Variants in BMPR1B observed in about 807,000 individuals in gnomAD.
BMPR1B encodes the protein bone morphogenetic protein receptor type-1B.
A neutral mutation model predicts 59.1 loss-of-function variants in BMPR1B; 12 were observed. The ratio of observed to expected loss-of-function variants is 0.20; its 90% CI spans 0.13 to 0.33. The LOEUF is 0.33. Ranked by LOEUF, BMPR1B falls within the 10% of genes least tolerant of loss-of-function variation. BMPR1B has a pLI of 1.00. For synonymous variants in BMPR1B, 237 were observed against 207.3 expected (o/e 1.14, Z -1.23); for missense variants, 550 against 610.9 (o/e 0.90, Z 1.05).
chr4:94,765,703 G>A (rs1333594143), intron 1 of BMPR1B, among the ~76,000 whole-genome samples: 7 of 152,096 alleles, frequency 4.6e-5, no homozygotes, highest in Non-Finnish European at 1.0e-4. Context: ...TGAAAAATTG[G>A]GGTTTGAGGT....
intron 1 of BMPR1B, among the ~76,000 whole-genome samples, chr4:94,797,572 G>A (rs1723242823): frequency 6.6e-6 from 1 of 152,172 alleles, no homozygotes; most frequent in South Asian, 2.1e-4. Flanking sequence ...ACAACTTTGG[G>A]TCTGGTGATT....
intron 2 of BMPR1B, among the ~76,000 whole-genome samples, chr4:94,930,206 C>T (rs1035005796): frequency 1.3e-5 from 2 of 152,036 alleles, no homozygotes; most frequent in African/African-American, 4.8e-5. Context: ...TTCCAAAATT[C>T]CTAAATGGAT....
intron 1 of BMPR1B, among the ~76,000 whole-genome samples, chr4:94,786,216 G>A (rs909964262): frequency 5.3e-5 from 8 of 152,284 alleles, no homozygotes; most frequent in African/African-American, 1.7e-4. Flanking sequence ...ATTATCATGC[G>A]GGTACTTACC....
chr4:95,145,818 A>G (rs1734600316), intron 10 of BMPR1B, among the ~76,000 whole-genome samples: 1 of 152,210 alleles, frequency 6.6e-6, no homozygotes, highest in African/African-American at 2.4e-5. Flanking sequence ...GGCACTTGCC[A>G]ATAGGTTGAT....
chr4:94,819,414 G>GTT (rs1322560483), intron 1 of BMPR1B, among the ~76,000 whole-genome samples: 3 of 152,220 alleles, frequency 2.0e-5, no homozygotes, highest in African/African-American at 7.2e-5. Context: ...GTTGGTAATA[G>GTT]TTTAGGGAGC....
At chr4:95,153,595 T>G (rs1319776347) in intron 12 of BMPR1B, among the ~76,000 whole-genome samples, 1 of 152,166 alleles carries the variant, frequency 6.6e-6, no homozygotes, top group Non-Finnish European at 1.5e-5. Context: ...ACATCTGTAA[T>G]CCCGGCACTT....
chr4:95,028,238 A>G (rs1478176289), intron 3 of BMPR1B, among the ~76,000 whole-genome samples: 1 of 152,214 alleles, frequency 6.6e-6, no homozygotes, highest in Non-Finnish European at 1.5e-5. Flanking sequence ...CAGTAAAGCA[A>G]AACTCCCTCC....
rs183014164 is a variant in BMPR1B at position 94,925,184 on chromosome 4, T to G, written c.-113+49284T>G. On this transcript the variant is annotated intron_variant, in intron 2 of 12. Transcript: ENST00000515059. Reference sequence around the variant, plus strand: ...GCCACCCAGACTCCAAGCATGACATTAAGAATATGGATTCCTCCCATACCA... The same window carrying G: ...GCCACCCAGACTCCAAGCATGACATGAAGAATATGGATTCCTCCCATACCA... Among the ~76,000 whole-genome samples the G allele has an allele frequency of 2.0e-5, 3 of 152,238 alleles. No homozygotes were observed. In the East Asian group the frequency reaches 5.8e-4, roughly 29 times the overall value.
At position 95,130,028 on chromosome 4, in the gene BMPR1B, T is replaced by G. The variant is rs1463003460; in HGVS notation, c.752T>G (p.Val251Gly). ...AGAGAGACAGAAATATATCAGACAG[T>G]GTTGATGAGGCATGAAAACATTTTG... ...WFRETEIYQT[V>G]LMRHENILGF... The change falls in exon 9 of 13, where the codon GTG becomes GGG. Residue 251 changes from valine to glycine, a missense_variant. Physicochemically the swap from Val to Gly is moderately radical, Grantham distance 109 (BLOSUM62 -3). Coordinates refer to ENST00000515059, the MANE Select transcript of BMPR1B (RefSeq NM_001203.3). The G allele has an allele frequency of 2.5e-6, 4 of 1,613,754 alleles. No homozygotes were observed. In the African/African-American group the frequency reaches 5.3e-5, roughly 22 times the overall value.
chr4:95,103,791 C>T (rs2149264648), intron 3 of BMPR1B, among the ~76,000 whole-genome samples: 1 of 152,116 alleles, frequency 6.6e-6, no homozygotes, highest in East Asian at 1.9e-4. Context: ...TGCATTTCCC[C>T]ATGCTGATGG....
chr4:94,976,408 G>T (rs1035331050), intron 2 of BMPR1B, among the ~76,000 whole-genome samples: 4 of 152,110 alleles, frequency 2.6e-5, no homozygotes, highest in African/African-American at 9.7e-5. Context: ...AACAACATGT[G>T]GAATGGGAAA....
chr4:94,842,823 A>T (rs6858699), intron 1 of BMPR1B, among the ~76,000 whole-genome samples: 93,349 of 152,046 alleles, frequency 0.61, 29,672 homozygotes, highest in African/African-American at 0.78. Context: ...AAATATATTT[A>T]TCTTCATTAA....
intron 3 of BMPR1B, among the ~76,000 whole-genome samples, chr4:95,052,336 T>G (rs1176555354): frequency 6.6e-6 from 1 of 152,202 alleles, no homozygotes; most frequent in Non-Finnish European, 1.5e-5. Context: ...TGAAGTTGAC[T>G]AAAATATAGA....
intron 3 of BMPR1B, among the ~76,000 whole-genome samples, chr4:95,023,842 G>T (rs1181683508): frequency 6.6e-6 from 1 of 152,156 alleles, no homozygotes; most frequent in Non-Finnish European, 1.5e-5. Flanking sequence ...TGAGGACATT[G>T]ATTTTGTACA....
intron 10 of BMPR1B, among the ~76,000 whole-genome samples, chr4:95,141,092 T>G (rs901365318): frequency 6.6e-6 from 1 of 152,206 alleles, no homozygotes; most frequent in Non-Finnish European, 1.5e-5. Flanking sequence ...TGTGAGGCCA[T>G]CTACCTTTCT....
At chr4:94,838,676 G>T (rs1215588668) in intron 1 of BMPR1B, among the ~76,000 whole-genome samples, 1 of 140,596 alleles carries the variant, frequency 7.1e-6, no homozygotes, top group Non-Finnish European at 1.6e-5. Context: ...CTTACTAGCG[G>T]TCTATCAATT....
intron 2 of BMPR1B, among the ~76,000 whole-genome samples, chr4:94,981,342 G>T (rs1721072075): frequency 6.6e-6 from 1 of 152,032 alleles, no homozygotes; most frequent in Non-Finnish European, 1.5e-5. Flanking sequence ...AAAGCACTGG[G>T]ATTACAGGCA....
intron 2 of BMPR1B, among the ~76,000 whole-genome samples, chr4:94,913,780 C>T (rs1370895539): frequency 6.6e-6 from 1 of 152,044 alleles, no homozygotes; most frequent in Non-Finnish European, 1.5e-5. Flanking sequence ...TTCAATTGAA[C>T]TTTTGTGATG....
intron 1 of BMPR1B, among the ~76,000 whole-genome samples, chr4:94,815,331 C>A (rs545176500): frequency 1.3e-5 from 2 of 152,120 alleles, no homozygotes; most frequent in Admixed American, 6.5e-5. Flanking sequence ...TGGTCATATC[C>A]TTGTTGATGG....
Sources: gnomAD v4.1 joint callset for allele counts (sites outside exome capture counted in the v4.1 genomes callset) on GRCh38, gnomAD v4.1.1 for gene constraint, MANE v1.5 for transcripts, NCBI Gene and HGNC (gene_info 2026-07-23, HGNC 2026-07-21) for gene names.